The following FUT8 variants were observed in gnomAD, a reference collection of about 807,000 sequenced individuals.
The protein encoded by FUT8 is fucosyltransferase 8.
Under a neutral mutation model 71.3 loss-of-function variants are expected in FUT8, and 29 were observed. The ratio of observed to expected loss-of-function variants is 0.41; its 90% confidence interval spans 0.30 to 0.55. The LOEUF (loss-of-function observed/expected upper bound fraction) is 0.55. Ranked by LOEUF, FUT8 falls within the 20% of genes least tolerant of loss-of-function variation. FUT8 has a pLI of 0.34. For synonymous variants in FUT8, 254 were observed against 239.3 expected (o/e 1.06, Z -0.57); for missense variants, 544 against 702.1 (o/e 0.77, Z 2.55).
chr14:65,442,517 A>AC (rs2065676297), intron 1 of FUT8, among the ~76,000 whole-genome samples: 1 of 136,586 alleles, frequency 7.3e-6, no homozygotes, highest in Non-Finnish European at 1.7e-5. Context: ...TGACCATCAT[A>AC]AATACATACA....
At chr14:65,386,998 C>T in the FUT8 span, among the ~76,000 whole-genome samples, 1 of 151,856 alleles carries the variant, frequency 6.6e-6, no homozygotes, top group South Asian at 2.1e-4. Flanking sequence ...CCTACCATCA[C>T]GCCCGGCTAA....
At chr14:65,414,550 A>T (rs1413826662) in intron 1 of FUT8, among the ~76,000 whole-genome samples, 1 of 152,244 alleles carries the variant, frequency 6.6e-6, no homozygotes, top group African/African-American at 2.4e-5. Flanking sequence ...TGGTATGTGT[A>T]TAGAAAATCT....
chr14:65,579,459 C>T (rs566885495), intron 3 of FUT8, among the ~76,000 whole-genome samples: 44 of 152,174 alleles, frequency 2.9e-4, no homozygotes, highest in Admixed American at 2.9e-3. Flanking sequence ...ATATAGAGAC[C>T]TTGTTTAATA....
At chr14:65,434,212 G>A (rs1010874064) in intron 1 of FUT8, among the ~76,000 whole-genome samples, 15 of 152,214 alleles carry the variant, frequency 9.9e-5, no homozygotes, top group Admixed American at 4.6e-4. Flanking sequence ...GAATAGAGAT[G>A]GAGAAGTCCA....
chr14:65,714,423 A>T lies in FUT8; in HGVS notation c.836-7352A>T, dbSNP rs1238041272. ...TCTTTTGTGGTTCCATATAAATTTT[A>T]TTTATTTATTTATTTATTTATTTAT... is the stretch of plus-strand genomic sequence containing the variant. On this transcript the variant is annotated intron_variant, in intron 7 of 10. Transcript: ENST00000673929. Among the ~76,000 whole-genome samples the T allele has an allele frequency of 1.2e-3, 41 of 35,016 alleles. No individual in the cohort carries two copies. In the East Asian group the frequency reaches 0.015, roughly 13 times the overall value. The allele number at this position is 35,016 out of a possible 152,430, so 23.0% of individuals were successfully genotyped here. A position where few individuals can be genotyped will look rare whatever the true frequency, so the allele number is the denominator to read the frequency against.
the FUT8 span, among the ~76,000 whole-genome samples, chr14:65,390,971 C>T: frequency 1.3e-5 from 2 of 152,150 alleles, no homozygotes; most frequent in Non-Finnish European, 2.9e-5. Context: ...CTTGATCGGC[C>T]TGCCTTGGCC....
At chr14:65,730,749 G>A (rs543790484) in intron 9 of FUT8, among the ~76,000 whole-genome samples, 7 of 152,262 alleles carry the variant, frequency 4.6e-5, no homozygotes, top group African/African-American at 7.2e-5. Context: ...CTATTGTGGC[G>A]ATCTCTTAAG....
intron 7 of FUT8, among the ~76,000 whole-genome samples, chr14:65,680,110 A>C (rs1161379672): frequency 6.6e-6 from 1 of 152,182 alleles, no homozygotes; most frequent in Non-Finnish European, 1.5e-5. Context: ...TCACACAGTT[A>C]TCAAGTCTGA....
chr14:65,390,308 C>G, the FUT8 span, among the ~76,000 whole-genome samples: 1 of 138,294 alleles, frequency 7.2e-6, no homozygotes, highest in Non-Finnish European at 1.5e-5. Context: ...GGCGACAAAG[C>G]GAGACTTCGT....
At chr14:65,692,504 G>A (rs1450046374) in intron 7 of FUT8, among the ~76,000 whole-genome samples, 1 of 65,952 alleles carries the variant, frequency 1.5e-5, no homozygotes, top group Admixed American at 1.4e-4. Flanking sequence ...CGGGCGGGGG[G>A]CTGACCCCCC....
At chr14:65,642,167 A>G (rs559147497) in intron 6 of FUT8, among the ~76,000 whole-genome samples, 6 of 152,288 alleles carry the variant, frequency 3.9e-5, no homozygotes, top group African/African-American at 1.4e-4. Flanking sequence ...TAGCTCTTAC[A>G]TTTAGGTCTA....
intron 7 of FUT8, among the ~76,000 whole-genome samples, chr14:65,717,587 A>C (rs1895185092): frequency 8.0e-6 from 1 of 124,840 alleles, no homozygotes; most frequent in African/African-American, 3.2e-5. Flanking sequence ...GACGCTCCTC[A>C]CCTCCCAGAC....
At chr14:65,394,807 AT>A in the FUT8 span, among the ~76,000 whole-genome samples, 4 of 141,848 alleles carry the variant, frequency 2.8e-5, no homozygotes, top group Admixed American at 2.3e-4. Context: ...GTGCAGCGGC[AT>A]GATCTTAGCT....
At position 65,669,136 on chromosome 14, in the gene FUT8, A is replaced by G; in HGVS notation, c.598-107A>G. On this transcript the variant is annotated intron_variant, in intron 6 of 10. Transcript: ENST00000673929. The surrounding 1 kb of genome is among the most constrained non-coding windows in gnomAD (Gnocchi z 4.5). ...CCACGACACACAATTTATCTATAGA[A>G]CAAACCTGCATGTGTACCCCTGAAG... is the stretch of plus-strand genomic sequence containing the variant. The G allele has an allele frequency of 1.3e-6, 1 of 776,878 alleles. No individual in the cohort carries two copies. 48.1% of individuals were successfully genotyped at this position (776,878 alleles called of 1,614,324 possible).
intron 1 of FUT8, among the ~76,000 whole-genome samples, chr14:65,426,322 T>C (rs1361859431): frequency 6.6e-6 from 1 of 151,904 alleles, no homozygotes; most frequent in East Asian, 1.9e-4. Flanking sequence ...CCTCCACCTT[T>C]TTAAAGTTTT....
intron 1 of FUT8, among the ~76,000 whole-genome samples, chr14:65,424,219 T>A (rs1260346278): frequency 6.6e-6 from 1 of 152,234 alleles, no homozygotes; most frequent in Non-Finnish European, 1.5e-5. Context: ...CATGGTACTT[T>A]AAGCAAATAT....
In FUT8 at chr14:65,602,339, TCTCTCACACACACACACACACA is replaced by T. The variant is rs1160788920; in HGVS notation, c.204-13637_204-13616del. On this transcript the variant is annotated intron_variant, in intron 3 of 10. Transcript: ENST00000673929. ...ATTTTCATGGCCGAGTAGCGTTCCA[TCTCTCACACACACACACACACA>T]CACACACACACACACACACACACAC... is the stretch of plus-strand genomic sequence containing the variant. Among the ~76,000 whole-genome samples the T allele has an allele frequency of 6.3e-3, 552 of 88,244 alleles. 21 individuals are homozygous for T. The highest frequency in any genetic ancestry group is 0.015 in the South Asian group (32 of 2,142). The allele number at this position is 88,244 out of a possible 152,430, so 57.9% of individuals were successfully genotyped here.
chr14:65,499,823 A>C (rs2066618058), intron 2 of FUT8, among the ~76,000 whole-genome samples: 1 of 152,008 alleles, frequency 6.6e-6, no homozygotes, highest in Non-Finnish European at 1.5e-5. Context: ...GTCTCAAAAA[A>C]AAAAAAAAAA....
chr14:65,530,678 C>T (rs764492170), intron 2 of FUT8, among the ~76,000 whole-genome samples: 10 of 151,852 alleles, frequency 6.6e-5, no homozygotes, highest in Middle Eastern at 3.2e-3. Context: ...TCAACTGATG[C>T]GTTAAATTAA....
Sources: allele counts gnomAD v4.1 joint callset (sites outside exome capture counted in the v4.1 genomes callset), GRCh38; gene constraint gnomAD v4.1.1; non-coding constraint Gnocchi (gnomAD v3.1); transcripts MANE v1.5; gene names NCBI Gene and HGNC (gene_info 2026-07-23, HGNC 2026-07-21).